Variants in NELL1 observed in about 807,000 individuals in gnomAD.
The protein encoded by NELL1 is neural EGFL like 1, also known as protein kinase C-binding protein NELL1.
Under a neutral mutation model 107.4 loss-of-function variants are expected in NELL1, and 76 were observed. The ratio of observed to expected loss-of-function variants is 0.71; its 90% CI spans 0.59 to 0.86. NELL1 has a LOEUF of 0.86. NELL1 is among the 40% of genes least tolerant of loss of function. The pLI is 0.00. For missense variants in NELL1, 1,024 were observed against 1,005.5 expected (o/e 1.02, Z -0.25); for synonymous variants, 353 against 341.2 (o/e 1.03, Z -0.38).
At chr11:20,680,869 G>A (rs1473311044) in intron 2 of NELL1, among the ~76,000 whole-genome samples, 2 of 152,032 alleles carry the variant, frequency 1.3e-5, no homozygotes. Flanking sequence ...GTCCAAATTG[G>A]CAGGGTTTCT....
intron 14 of NELL1, among the ~76,000 whole-genome samples, chr11:21,242,223 C>T (rs1858381429): frequency 6.6e-6 from 1 of 152,068 alleles, no homozygotes. Flanking sequence ...TTCTCATTAA[C>T]AGCTAATGGT....
chr11:21,124,308 C>G (rs2133747157), intron 13 of NELL1, among the ~76,000 whole-genome samples: 1 of 152,224 alleles, frequency 6.6e-6, no homozygotes, highest in African/African-American at 2.4e-5. Flanking sequence ...ATATTTATGA[C>G]CTGGTAGGGA....
chr11:20,767,991 A>C (rs1291348158), intron 2 of NELL1, among the ~76,000 whole-genome samples: 9 of 152,146 alleles, frequency 5.9e-5, no homozygotes, highest in Non-Finnish European at 1.2e-4. Flanking sequence ...TTAGGGGGAG[A>C]GTTGACTTTA....
At chr11:21,086,523 C>A (rs1437767566) in intron 12 of NELL1, among the ~76,000 whole-genome samples, 1 of 152,114 alleles carries the variant, frequency 6.6e-6, no homozygotes, top group Non-Finnish European at 1.5e-5. Context: ...GGAATCTTCA[C>A]CCACCACCAG....
intron 15 of NELL1, among the ~76,000 whole-genome samples, chr11:21,505,220 C>T (rs1384530628): frequency 6.6e-6 from 1 of 152,118 alleles, no homozygotes; most frequent in African/African-American, 2.4e-5. Context: ...GATAGTGCCT[C>T]AGAAAACCAT....
chr11:20,692,275 C>G (rs1285017144), intron 2 of NELL1, among the ~76,000 whole-genome samples: 1 of 144,936 alleles, frequency 6.9e-6, no homozygotes, highest in Non-Finnish European at 1.5e-5. Context: ...TTTTTTTTGT[C>G]TCTATTTCCT....
At chr11:21,020,224 A>G (rs1391872371) in intron 12 of NELL1, among the ~76,000 whole-genome samples, 1 of 152,138 alleles carries the variant, frequency 6.6e-6, no homozygotes, top group Non-Finnish European at 1.5e-5. Context: ...GTAATTGACT[A>G]TACTTCAGAA....
intron 15 of NELL1, among the ~76,000 whole-genome samples, chr11:21,466,289 C>G (rs1854028747): frequency 6.6e-6 from 1 of 152,120 alleles, no homozygotes; most frequent in African/African-American, 2.4e-5. Flanking sequence ...TGGCACCCTA[C>G]TAGCTGGATT....
At position 21,450,700 on chromosome 11, in the gene NELL1, C is replaced by T. The variant is rs182198683; in HGVS notation, c.1645+79752C>T. ...TGATGAATTTGGAAGAAAGCCGAATCTGGACAGACAGGAAAGGAAGGGTGG... is the reference window on the plus strand; with the variant it reads ...TGATGAATTTGGAAGAAAGCCGAATTTGGACAGACAGGAAAGGAAGGGTGG... On this transcript the variant is annotated intron_variant, in intron 15 of 19. Coordinates refer to ENST00000357134, the MANE Select transcript of NELL1 (RefSeq NM_006157.5). Among the ~76,000 whole-genome samples the T allele has an allele frequency of 2.0e-5, 3 of 152,226 alleles. No homozygotes were observed. In the East Asian group the frequency reaches 5.8e-4, roughly 29 times the overall value.
At chr11:20,823,243 G>A (rs1201110853) in intron 3 of NELL1, among the ~76,000 whole-genome samples, 1 of 151,342 alleles carries the variant, frequency 6.6e-6, no homozygotes, top group Non-Finnish European at 1.5e-5. Context: ...CAGGCAGAGA[G>A]AATGAGGAAG....
chr11:20,714,978 T>C (rs1287521977), intron 2 of NELL1, among the ~76,000 whole-genome samples: 1 of 152,158 alleles, frequency 6.6e-6, no homozygotes, highest in Non-Finnish European at 1.5e-5. Context: ...GAGCGGTGGC[T>C]CACGCCTGTA....
At chr11:21,346,901 A>G (rs1850695153) in intron 14 of NELL1, among the ~76,000 whole-genome samples, 1 of 152,176 alleles carries the variant, frequency 6.6e-6, no homozygotes, top group South Asian at 2.1e-4. Flanking sequence ...CAGAACCTCT[A>G]TAGCCTCTTA....
intron 7 of NELL1, among the ~76,000 whole-genome samples, chr11:20,921,080 G>A (rs1850367292): frequency 6.6e-6 from 1 of 152,030 alleles, no homozygotes; most frequent in East Asian, 1.9e-4. Flanking sequence ...TAAATTTTGG[G>A]CCTTGCAAGC....
chr11:20,718,205 A>G (rs1487818609), intron 2 of NELL1, among the ~76,000 whole-genome samples: 2 of 152,216 alleles, frequency 1.3e-5, no homozygotes, highest in East Asian at 1.9e-4. Flanking sequence ...GAAAAGATCT[A>G]TAGCTACACT....
rs775207556 is a variant in NELL1, at chr11:20,676,766, C to T, written c.56-1166C>T. Reference sequence around the variant, plus strand: ...CTTATGATGTCCCGGTGAACATTCACGCAGTGGGTACAAGCCCTCCAAATC... The same window carrying T: ...CTTATGATGTCCCGGTGAACATTCATGCAGTGGGTACAAGCCCTCCAAATC... On this transcript the variant is annotated intron_variant, in intron 1 of 19. Transcript: ENST00000357134. Among the ~76,000 whole-genome samples the T allele has an allele frequency of 7.2e-5, 11 of 152,156 alleles. 1 individual carries two copies. Among genetic ancestry groups the T allele is most frequent in the South Asian group, 4.1e-4 (2 of 4,828 alleles).
At chr11:21,216,600 A>G (rs1050811426) in intron 13 of NELL1, among the ~76,000 whole-genome samples, 1 of 152,218 alleles carries the variant, frequency 6.6e-6, no homozygotes, top group African/African-American at 2.4e-5. Context: ...CATGGAGTCA[A>G]GGGACATCAT....
intron 2 of NELL1, among the ~76,000 whole-genome samples, chr11:20,691,136 A>T (rs1305752683): frequency 1.3e-5 from 2 of 152,070 alleles, no homozygotes; most frequent in African/African-American, 2.4e-5. Context: ...TTGATTTTGT[A>T]TCCTGAGACT....
At chr11:20,732,807 C>T (rs977035401) in intron 2 of NELL1, among the ~76,000 whole-genome samples, 4 of 152,090 alleles carry the variant, frequency 2.6e-5, no homozygotes, top group East Asian at 1.9e-4. Flanking sequence ...AGCTTATTGT[C>T]GGCGGGGAGG....
intron 15 of NELL1, among the ~76,000 whole-genome samples, chr11:21,452,191 C>CGTTTGT (rs768491600): frequency 0.087 from 2,926 of 33,558 alleles, 55 homozygotes; most frequent in South Asian, 0.32. Flanking sequence ...TATAAAATCT[C>CGTTTGT]ACCTCACAAT....
Sources: gnomAD v4.1 joint callset for allele counts (sites outside exome capture counted in the v4.1 genomes callset) on GRCh38, gnomAD v4.1.1 for gene constraint, MANE v1.5 for transcripts, NCBI Gene and HGNC (gene_info 2026-07-23, HGNC 2026-07-21) for gene names.